The following MIS18BP1 variants were observed in gnomAD, a reference collection of about 807,000 sequenced individuals.
MIS18BP1 encodes the protein mis18-binding protein 1.
A neutral mutation model predicts 116.1 loss-of-function variants in MIS18BP1; 72 were observed. The ratio of observed to expected loss-of-function variants is 0.62; its 90% confidence interval spans 0.51 to 0.75. MIS18BP1 has a LOEUF of 0.75. Ranked by LOEUF, MIS18BP1 falls within the 30% of genes least tolerant of loss-of-function variation. The pLI, the probability that MIS18BP1 is intolerant of heterozygous loss-of-function variation, is 0.00. For synonymous variants in MIS18BP1, 386 were observed against 427.0 expected, an observed-to-expected ratio of 0.90 and a Z score of 1.18; for missense variants, 1,363 against 1,303.2, an observed-to-expected ratio of 1.05 and a Z score of -0.71.
intron 4 of MIS18BP1, 83 bp downstream of exon 4, chr14:45,241,951 A>G (rs1274418449): frequency 2.8e-6 from 4 of 1,424,646 alleles, no homozygotes; most frequent in African/African-American, 1.4e-5. Context: ...TAGAAAAAAA[A>G]TAATGAGAGA....
chr14:45,240,524 T>C (rs192786265), intron 4 of MIS18BP1, among the ~76,000 whole-genome samples: 2 of 152,122 alleles, frequency 1.3e-5, no homozygotes, highest in African/African-American at 4.8e-5. Context: ...TCTATGCTGA[T>C]AGCTCTCCAA....
intron 1 of MIS18BP1, among the ~76,000 whole-genome samples, chr14:45,252,763 A>G (rs1384284019): frequency 1.4e-5 from 2 of 143,344 alleles, no homozygotes; most frequent in Non-Finnish European, 3.0e-5. Context: ...CCCACTTGGT[A>G]TTCTAAAAAA....
chr14:45,228,375 C>T (rs1891184635), intron 8 of MIS18BP1, among the ~76,000 whole-genome samples: 1 of 152,142 alleles, frequency 6.6e-6, no homozygotes, highest in African/African-American at 2.4e-5. Flanking sequence ...TTTGTCACAT[C>T]TAAAGACAGA....
At chr14:45,237,232 C>G (rs1056575428) in intron 5 of MIS18BP1, among the ~76,000 whole-genome samples, 1 of 151,996 alleles carries the variant, frequency 6.6e-6, no homozygotes, top group African/African-American at 2.4e-5. Context: ...AATATGTAGC[C>G]GTATGGCAAA....
At position 45,242,761 on chromosome 14, in the gene MIS18BP1, C is replaced by T. The variant is rs368118272; in HGVS notation, c.658G>A (p.Glu220Lys). 61 of 1,599,176 alleles carry T rather than the reference C, an allele frequency of 3.8e-5. 1 individual carries two copies. The African/African-American group carries it at 4.7e-4, about 12-fold the overall frequency. ...KKAPLHNLTY[E>K]LPTLNQEQEN... ...TGAAAACAAACCAAAAATAGTTTACCGTAAGTTAAATTGTGCAGTGGTGCT... is the reference window on the plus strand; with the variant it reads ...TGAAAACAAACCAAAAATAGTTTACTGTAAGTTAAATTGTGCAGTGGTGCT... The change falls in exon 3 of 17, where the codon GAA becomes AAA. Residue 220 changes from glutamate to lysine, a missense_variant and splice_region_variant. By Grantham distance (56) the Glu-to-Lys change is moderately conservative. Coordinates refer to ENST00000310806, the MANE Select transcript of MIS18BP1 (RefSeq NM_018353.5).
intron 9 of MIS18BP1, 23 bp from the exon 10 acceptor site, chr14:45,226,859 G>A: frequency 1.5e-6 from 2 of 1,318,804 alleles, no homozygotes; most frequent in Non-Finnish European, 2.0e-6. Context: ...AAGATACCTA[G>A]GTTTTATTTT....
intron 1 of MIS18BP1, among the ~76,000 whole-genome samples, chr14:45,251,036 C>CAAA (rs1230380755): frequency 4.4e-4 from 26 of 59,192 alleles, no homozygotes; most frequent in Middle Eastern, 0.01. Flanking sequence ...GACTCTGCCT[C>CAAA]AAAAAAAAAA....
chr14:45,223,867 C>T, intron 11 of MIS18BP1, 51 bp downstream of exon 11: 1 of 1,337,614 alleles, frequency 7.5e-7, no homozygotes, highest in Non-Finnish European at 1.0e-6. Flanking sequence ...ATGTCTTTAA[C>T]TGTCTTGTGG....
At chr14:45,210,112 T>C in intron 14 of MIS18BP1, 1 of 262,368 alleles carries the variant, frequency 3.8e-6, no homozygotes, top group African/African-American at 2.2e-5. Flanking sequence ...TTTCTTTAGT[T>C]TTTTTTTTTT....
At chr14:45,220,798 T>C (rs1890951274) in intron 11 of MIS18BP1, among the ~76,000 whole-genome samples, 1 of 152,204 alleles carries the variant, frequency 6.6e-6, no homozygotes, top group African/African-American at 2.4e-5. Context: ...TATGAACTCC[T>C]AGGCCCATGC....
At chr14:45,221,291 A>G (rs562182724) in intron 11 of MIS18BP1, among the ~76,000 whole-genome samples, 17 of 150,690 alleles carry the variant, frequency 1.1e-4, no homozygotes, top group Non-Finnish European at 2.4e-4. Flanking sequence ...ACAAAAAATT[A>G]GCCGGCGTGG....
intron 13 of MIS18BP1, among the ~76,000 whole-genome samples, chr14:45,211,662 T>C (rs548167325): frequency 6.6e-6 from 1 of 152,278 alleles, no homozygotes; most frequent in Admixed American, 6.5e-5. Context: ...TGGTTACAAT[T>C]TTTGGTGGCC....
chr14:45,243,111 C>G (rs775420037), intron 2 of MIS18BP1, among the ~76,000 whole-genome samples: 50 of 152,056 alleles, frequency 3.3e-4, no homozygotes, highest in African/African-American at 1.1e-3. Flanking sequence ...TTTTTAAAAC[C>G]TTCTCTGAAC....
rs540117242 is a variant in MIS18BP1, at chr14:45,203,661, A to C, written c.*448T>G. ...TGGATAACAACTGGTAACAAATCCT[A>C]CTCTGGCTTGGATAATAACTGCTAA... On this transcript the variant is annotated 3_prime_UTR_variant, in exon 17 of 17. Transcript: ENST00000310806. 2.0e-5 allele frequency: 3 copies of C among 152,670 alleles called. No individual in the cohort carries two copies. The highest frequency in any genetic ancestry group is 2.0e-4 in the Admixed American group (3 of 15,296). 9.5% of individuals were successfully genotyped at this position (152,670 alleles called of 1,614,324 possible).
intron 4 of MIS18BP1, among the ~76,000 whole-genome samples, chr14:45,240,983 G>T (rs1394789265): frequency 6.6e-6 from 1 of 152,154 alleles, no homozygotes; most frequent in Non-Finnish European, 1.5e-5. Flanking sequence ...AATATATTGA[G>T]ATATAAAACC....
At chr14:45,246,673 A>G in intron 2 of MIS18BP1, 70 bp downstream of exon 2, 1 of 1,417,702 alleles carries the variant, frequency 7.1e-7, no homozygotes, top group Non-Finnish European at 9.4e-7. Flanking sequence ...TATTCTGAGC[A>G]CCTAAAACAG....
intron 8 of MIS18BP1, among the ~76,000 whole-genome samples, chr14:45,228,314 T>A (rs1891181456): frequency 6.6e-6 from 1 of 152,222 alleles, no homozygotes; most frequent in African/African-American, 2.4e-5. Flanking sequence ...CAAAAAAAAT[T>A]TAAAAAGCCT....
chr14:45,234,971 A>G (rs1891382142), intron 6 of MIS18BP1, among the ~76,000 whole-genome samples: 1 of 152,208 alleles, frequency 6.6e-6, no homozygotes. Flanking sequence ...TAATCCCAAC[A>G]CTTTGGGAGG....
At chr14:45,205,270 T>C (rs1471040443) in intron 15 of MIS18BP1, among the ~76,000 whole-genome samples, 1 of 152,072 alleles carries the variant, frequency 6.6e-6, no homozygotes, top group Non-Finnish European at 1.5e-5. Flanking sequence ...TAAATCAATA[T>C]AATCATGATC....
Sources: gnomAD v4.1 joint callset for allele counts (sites outside exome capture counted in the v4.1 genomes callset) on GRCh38, gnomAD v4.1.1 for gene constraint, MANE v1.5 for transcripts, NCBI Gene and HGNC (gene_info 2026-07-23, HGNC 2026-07-21) for gene names.